AGTPBP1: variants seen among roughly 807,000 people sequenced by gnomAD.
The protein encoded by AGTPBP1 is cytosolic carboxypeptidase 1.
AGTPBP1 carries 70 observed loss-of-function variants against 143.9 expected under a neutral mutation model. That is an observed-to-expected ratio of 0.49 (90% CI 0.40 to 0.59). The LOEUF is 0.59. Ranked by LOEUF, AGTPBP1 falls within the 20% of genes least tolerant of loss-of-function variation. The pLI is 0.00. For synonymous variants in AGTPBP1, 463 were observed against 500.2 expected, an observed-to-expected ratio of 0.93 and a Z score of 0.99; for missense variants, 1,229 against 1,464.5, an observed-to-expected ratio of 0.84 and a Z score of 2.62.
the AGTPBP1 span, among the ~76,000 whole-genome samples, chr9:85,793,209 C>T: frequency 2.6e-5 from 4 of 152,018 alleles, no homozygotes; most frequent in African/African-American, 7.2e-5. Context: ...GTAACAGTTA[C>T]GTTTGTGAGC....
intron 1 of AGTPBP1, among the ~76,000 whole-genome samples, chr9:85,738,700 C>T (rs1175830819): frequency 6.6e-6 from 1 of 152,080 alleles, no homozygotes; most frequent in African/African-American, 2.4e-5. Context: ...CAGTAGCATC[C>T]CAGGGCACCC....
intron 25 of AGTPBP1, among the ~76,000 whole-genome samples, chr9:85,548,020 C>A (rs1250759721): frequency 2.0e-5 from 3 of 152,078 alleles, no homozygotes; most frequent in Admixed American, 2.0e-4. Context: ...TTTACACCCC[C>A]CCACACAAAA....
At chr9:85,653,697 TAGC>T (rs1833313378) in intron 11 of AGTPBP1, among the ~76,000 whole-genome samples, 1 of 152,216 alleles carries the variant, frequency 6.6e-6, no homozygotes, top group African/African-American at 2.4e-5. Context: ...ACCTCAACTT[TAGC>T]AGAAGATAAT....
At chr9:85,795,952 G>T in the AGTPBP1 span, among the ~76,000 whole-genome samples, 1 of 146,626 alleles carries the variant, frequency 6.8e-6, no homozygotes, top group African/African-American at 2.6e-5. Flanking sequence ...AATGACCTTG[G>T]AACGATAAGA....
At chr9:85,689,898 CAAAAAAAAAA>C (rs1156931410) in intron 3 of AGTPBP1, among the ~76,000 whole-genome samples, 45 of 28,348 alleles carry the variant, frequency 1.6e-3, no homozygotes, top group African/African-American at 5.7e-3. Context: ...GACTCTGCCT[CAAAAAAAAAA>C]AAAAAAAAAA....
intron 12 of AGTPBP1, among the ~76,000 whole-genome samples, chr9:85,645,704 A>C (rs1285140918): frequency 6.6e-6 from 1 of 152,078 alleles, no homozygotes; most frequent in Non-Finnish European, 1.5e-5. Flanking sequence ...AAAAAAAGAG[A>C]CCATTTTTCT....
chr9:85,739,708 CA>C (rs547952850), intron 1 of AGTPBP1, among the ~76,000 whole-genome samples: 2,277 of 82,036 alleles, frequency 0.028, 16 homozygotes, highest in Middle Eastern at 0.11. Context: ...AACTCCGTCT[CA>C]AAAAAAAAAA....
the AGTPBP1 span, among the ~76,000 whole-genome samples, chr9:85,803,358 A>G: frequency 3.3e-5 from 5 of 152,126 alleles, no homozygotes; most frequent in African/African-American, 1.2e-4. Context: ...AGTCCAATTT[A>G]CCTTGTCTTG....
intron 3 of AGTPBP1, among the ~76,000 whole-genome samples, chr9:85,689,274 C>G (rs1234260623): frequency 6.6e-6 from 1 of 152,156 alleles, no homozygotes; most frequent in South Asian, 2.1e-4. Context: ...ATATGTCTAT[C>G]TGGCCCTTCC....
intron 25 of AGTPBP1, among the ~76,000 whole-genome samples, chr9:85,564,967 T>C (rs1365780129): frequency 6.6e-6 from 1 of 152,176 alleles, no homozygotes; most frequent in African/African-American, 2.4e-5. Context: ...AATGTTTATG[T>C]CACATGAGGT....
At chr9:85,774,767 G>C in the AGTPBP1 span, among the ~76,000 whole-genome samples, 1 of 152,198 alleles carries the variant, frequency 6.6e-6, no homozygotes, top group Non-Finnish European at 1.5e-5. Context: ...AGCAACCTGA[G>C]TAAGCAGAAA....
In AGTPBP1 at chr9:85,692,667, C is replaced by T. The variant is rs556043247; in HGVS notation, c.157+22G>A. ...AAGAATTAAAAAAGCATTTCAAAAA[C>T]AAAGAAGAGATCAATGTTTACCTTG... is the stretch of plus-strand genomic sequence containing the variant. On this transcript the variant is annotated intron_variant, in intron 3 of 25. Transcript: ENST00000357081. 1.6e-5 allele frequency: 26 copies of T among 1,606,160 alleles called. No individual in the cohort carries two copies. The South Asian group carries it at 2.6e-4, about 16-fold the overall frequency.
Position 85,588,334 on chromosome 9 carries a change from A to T in AGTPBP1, c.2867T>A (p.Val956Asp), listed in dbSNP as rs1252237151. 6.2e-7 allele frequency: 1 copy of T among 1,610,088 alleles called. No homozygotes were observed. The highest frequency in any genetic ancestry group is 8.5e-7 in the Non-Finnish European group (1 of 1,178,592). Reference sequence around the variant, plus strand: ...GACACCATCTGGATTTAACATAGGGACAATTTTAAAAATATAAGATTCTCG... The same window carrying T: ...GACACCATCTGGATTTAACATAGGGTCAATTTTAAAAATATAAGATTCTCG... ...SLRESYIFKI[V>D]PMLNPDGVIN... is the part of the protein sequence containing the mutation. The change falls in exon 21 of 26, where the codon GTC (valine) becomes GAC (aspartate). Residue 956 changes from valine (V) to aspartate (D), a missense_variant. This residue lies in a region of AGTPBP1 where 486 missense variants were observed against 652.3 expected (regional missense o/e 0.75). Coordinates refer to ENST00000357081, the MANE Select transcript of AGTPBP1 (RefSeq NM_001330701.2).
At chr9:85,638,246 T>C (rs1832211830) in intron 13 of AGTPBP1, among the ~76,000 whole-genome samples, 2 of 152,100 alleles carry the variant, frequency 1.3e-5, no homozygotes, top group Non-Finnish European at 2.9e-5. Context: ...CTTTGATAAA[T>C]ATGTTGGAAA....
At chr9:85,677,412 A>C (rs1317987110) in intron 6 of AGTPBP1, 24 bp downstream of exon 6, 31 of 1,598,404 alleles carry the variant, frequency 1.9e-5, no homozygotes, top group Non-Finnish European at 2.6e-5. Flanking sequence ...TAGATACAAT[A>C]ATCATACAAA....
chr9:85,578,948 A>G lies in AGTPBP1; in HGVS notation c.3314T>C (p.Leu1105Ser), dbSNP rs776408546. 2 of 1,613,546 alleles carry G rather than the reference A, an allele frequency of 1.2e-6. No homozygotes were observed. The highest frequency in any genetic ancestry group is 1.7e-6 in the Non-Finnish European group (2 of 1,179,800). Residue 1105 changes from leucine to serine, a missense_variant, in exon 24 of 26, where the codon TTA (leucine) becomes TCA (serine). By Grantham distance (145) the Leu-to-Ser change is moderately radical. This residue lies in a region of AGTPBP1 where 486 missense variants were observed against 652.3 expected (regional missense o/e 0.75). Coordinates refer to ENST00000357081, the MANE Select transcript of AGTPBP1 (RefSeq NM_001330701.2). ...VQRSYTMEST[L>S]CGCDQGKYKG... is the part of the protein sequence containing the mutation. ...GTATTTTCCCTGATCACAGCCACAT[A>G]AAGTACTCTCCATGGTATAACTTCT...
chr9:85,608,116 T>C (rs1318037070), intron 17 of AGTPBP1, among the ~76,000 whole-genome samples: 1 of 152,080 alleles, frequency 6.6e-6, no homozygotes, highest in Non-Finnish European at 1.5e-5. Flanking sequence ...CTTTAAATTG[T>C]TTATAAATAG....
chr9:85,586,384 G>A lies in AGTPBP1; in HGVS notation c.3033+447C>T, dbSNP rs375938482. ...AGTTTTTCTATCTTTCCTAAAGAAA[G>A]ATTACATAATATACACATTAATATA... On this transcript the variant is annotated intron_variant, in intron 22 of 25. Transcript: ENST00000357081. Among the ~76,000 whole-genome samples, 45 of 152,194 alleles carry A rather than the reference G, an allele frequency of 3.0e-4. 1 individual carries two copies. The highest frequency in any genetic ancestry group is 1.1e-3 in the African/African-American group (44 of 41,518).
chr9:85,729,049 A>C (rs918468071), intron 1 of AGTPBP1, among the ~76,000 whole-genome samples: 2 of 152,244 alleles, frequency 1.3e-5, no homozygotes, highest in Non-Finnish European at 2.9e-5. Context: ...TAGTAGTAGC[A>C]TAAAGACAGA....
Sources: allele counts gnomAD v4.1 joint callset (sites outside exome capture counted in the v4.1 genomes callset), GRCh38; gene constraint gnomAD v4.1.1; regional missense constraint gnomAD v4.1.1; transcripts MANE v1.5; gene names NCBI Gene and HGNC (gene_info 2026-07-23, HGNC 2026-07-21).